CDKAL1: variants seen among roughly 807,000 people sequenced by gnomAD.
CDKAL1 encodes the protein threonylcarbamoyladenosine tRNA methylthiotransferase.
In CDKAL1, 32 loss-of-function variants were observed where a neutral mutation model predicts 68.2. The observed-to-expected ratio is 0.47, with a 90% confidence interval of 0.35 to 0.63. The LOEUF is 0.63. CDKAL1 is among the 30% of genes least tolerant of loss of function. The pLI, the probability that CDKAL1 is intolerant of heterozygous loss-of-function variation, is 0.00. For synonymous variants in CDKAL1, 234 were observed against 244.3 expected (o/e 0.96, Z 0.39); for missense variants, 606 against 696.7 (o/e 0.87, Z 1.47).
At chr6:20,755,298 A>G (rs1774119626) in intron 6 of CDKAL1, among the ~76,000 whole-genome samples, 1 of 152,144 alleles carries the variant, frequency 6.6e-6, no homozygotes, top group South Asian at 2.1e-4. Flanking sequence ...CATCAGTTCC[A>G]GCAGTCATCA....
intron 13 of CDKAL1, among the ~76,000 whole-genome samples, chr6:21,141,345 A>ATGT (rs1297657976): frequency 6.6e-6 from 1 of 152,164 alleles, no homozygotes; most frequent in Non-Finnish European, 1.5e-5. Flanking sequence ...GCTTCTTACA[A>ATGT]ACCCAGCCTG....
chr6:21,132,853 C>T (rs542511780), intron 13 of CDKAL1, among the ~76,000 whole-genome samples: 11 of 152,164 alleles, frequency 7.2e-5, no homozygotes, highest in African/African-American at 2.2e-4. Context: ...GTTAGGAAGT[C>T]GAACCTATAT....
At chr6:20,561,840 G>A (rs886460623) in intron 4 of CDKAL1, among the ~76,000 whole-genome samples, 4 of 152,162 alleles carry the variant, frequency 2.6e-5, no homozygotes, top group Non-Finnish European at 5.9e-5. Flanking sequence ...TTAGATAAAT[G>A]CAGTGTGTAT....
At chr6:21,000,603 T>A (rs1247093856) in intron 11 of CDKAL1, among the ~76,000 whole-genome samples, 6 of 152,170 alleles carry the variant, frequency 3.9e-5, no homozygotes, top group Admixed American at 2.6e-4. Flanking sequence ...TGTGTAAGAT[T>A]GCCAGTCTTT....
intron 9 of CDKAL1, among the ~76,000 whole-genome samples, chr6:20,911,581 C>T (rs1161656101): frequency 2.6e-5 from 4 of 152,196 alleles, no homozygotes; most frequent in South Asian, 2.1e-4. Flanking sequence ...CACATTATTA[C>T]AGACATTCTT....
At position 20,563,613 on chromosome 6, in the gene CDKAL1, C is replaced by T. The variant is rs1253037848; in HGVS notation, c.286+14908C>T. Among the ~76,000 whole-genome samples the T allele has an allele frequency of 4.6e-5, 7 of 150,682 alleles. No individual in the cohort carries two copies. The East Asian group carries it at 1.4e-3, about 29-fold the overall frequency. ...CCTCCCATCTCAAATTCCCTAGTCA[C>T]TGGGATTACAGGCATGAGCCACCAC... On this transcript the variant is annotated intron_variant, in intron 4 of 15. Transcript: ENST00000274695.
At chr6:21,083,721 A>T (rs991009119) in intron 12 of CDKAL1, among the ~76,000 whole-genome samples, 3 of 152,154 alleles carry the variant, frequency 2.0e-5, no homozygotes, top group African/African-American at 7.2e-5. Context: ...CATGGCTTGC[A>T]TTTAGTTGTT....
At chr6:20,613,956 C>A (rs1449587127) in intron 4 of CDKAL1, among the ~76,000 whole-genome samples, 4 of 151,460 alleles carry the variant, frequency 2.6e-5, no homozygotes, top group African/African-American at 9.7e-5. Flanking sequence ...TTCCCCAGAA[C>A]CTTGCCAACA....
chr6:21,003,371 T>TATATACAC, intron 11 of CDKAL1, among the ~76,000 whole-genome samples: 55 of 49,276 alleles, frequency 1.1e-3, no homozygotes, highest in Admixed American at 1.7e-3. Flanking sequence ...TATATATATA[T>TATATACAC]ACACACACAC....
chr6:20,988,888 T>A (rs1431222567), intron 10 of CDKAL1, among the ~76,000 whole-genome samples: 2 of 151,128 alleles, frequency 1.3e-5, no homozygotes, highest in African/African-American at 2.4e-5. Context: ...TTGATCTCCT[T>A]ACCTCATGAT....
chr6:21,068,059 A>G (rs542822176), intron 12 of CDKAL1, among the ~76,000 whole-genome samples: 5 of 148,156 alleles, frequency 3.4e-5, no homozygotes, highest in Admixed American at 6.7e-5. Flanking sequence ...TACCAGTTGG[A>G]TTTACAACCC....
At chr6:20,574,322 C>G (rs566778373) in intron 4 of CDKAL1, among the ~76,000 whole-genome samples, 1 of 152,226 alleles carries the variant, frequency 6.6e-6, no homozygotes, top group Non-Finnish European at 1.5e-5. Flanking sequence ...CAGAGCCTCT[C>G]AGAAAGTAAA....
chr6:20,678,755 A>G lies in CDKAL1; in HGVS notation c.371+29378A>G, dbSNP rs1581370279. Among the ~76,000 whole-genome samples the G allele has an allele frequency of 4.6e-5, 7 of 152,140 alleles. No homozygotes were observed. The South Asian group carries it at 1.5e-3, about 32-fold the overall frequency. ...TGCTCTGTTGTGATGTTTTAAAATT[A>G]TATATATTATTTTTTATTTACTATG... On this transcript the variant is annotated intron_variant, in intron 5 of 15. Coordinates refer to ENST00000274695, the MANE Select transcript of CDKAL1 (RefSeq NM_017774.3).
intron 11 of CDKAL1, among the ~76,000 whole-genome samples, chr6:21,023,055 G>A (rs965696687): frequency 6.6e-5 from 10 of 151,896 alleles, no homozygotes; most frequent in African/African-American, 1.9e-4. Context: ...GAGGATAAAT[G>A]TAGGAAAAAC....
chr6:20,727,537 A>C (rs1230933120), intron 5 of CDKAL1, among the ~76,000 whole-genome samples: 2 of 152,166 alleles, frequency 1.3e-5, no homozygotes, highest in African/African-American at 4.8e-5. Flanking sequence ...GGGTACAGTA[A>C]ATAAGGGTCA....
intron 15 of CDKAL1, among the ~76,000 whole-genome samples, chr6:21,229,763 A>T (rs1410402454): frequency 1.3e-5 from 2 of 152,060 alleles, no homozygotes; most frequent in African/African-American, 4.8e-5. Context: ...GTCCCATGTT[A>T]TTGGGGGAGG....
At chr6:20,548,744 TC>T (rs1190829286) in intron 4 of CDKAL1, 39 bp downstream of exon 4, 2 of 955,022 alleles carry the variant, frequency 2.1e-6, no homozygotes, top group Admixed American at 2.3e-5. Flanking sequence ...ATTAAATTTT[TC>T]AGAATTAAGC....
chr6:20,738,484 A>ATTT (rs1773295975), intron 5 of CDKAL1, among the ~76,000 whole-genome samples: 1 of 119,188 alleles, frequency 8.4e-6, no homozygotes, highest in African/African-American at 3.2e-5. Context: ...TCTACTTCTT[A>ATTT]GTTTTTTTTT....
In CDKAL1 at chr6:21,217,146, T is replaced by A. The variant is rs188257150; in HGVS notation, c.1549-13702T>A. Among the ~76,000 whole-genome samples the A allele has an allele frequency of 7.6e-3, 1,157 of 152,268 alleles. 13 individuals carry two copies. The highest frequency in any genetic ancestry group is 0.021 in the African/African-American group (886 of 41,566). On this transcript the variant is annotated intron_variant, in intron 15 of 15. Coordinates refer to ENST00000274695, the MANE Select transcript of CDKAL1 (RefSeq NM_017774.3). ...TTACAAATGAGGTTGAGCATTTTTTTTAAAATATATTTATTGGTTTTATAT... is the reference window on the plus strand; with the variant it reads ...TTACAAATGAGGTTGAGCATTTTTTATAAAATATATTTATTGGTTTTATAT...
Sources: allele counts gnomAD v4.1 joint callset (sites outside exome capture counted in the v4.1 genomes callset), GRCh38; gene constraint gnomAD v4.1.1; transcripts MANE v1.5; gene names NCBI Gene and HGNC (gene_info 2026-07-23, HGNC 2026-07-21).